ASCL5: variants seen among roughly 807,000 people sequenced by gnomAD.
ASCL5 encodes the protein achaete-scute homolog 5.
For synonymous variants in ASCL5, 124 were observed against 131.5 expected, an observed-to-expected ratio of 0.94 and a Z score of 0.39; for missense variants, 262 against 268.9, an observed-to-expected ratio of 0.97 and a Z score of 0.18.
chr1:201,119,430 C>T (rs753945895), intron 1 of ASCL5, among the ~76,000 whole-genome samples: 31 of 152,306 alleles, frequency 2.0e-4, no homozygotes, highest in Middle Eastern at 3.4e-3. Flanking sequence ...GGTGGTGAGA[C>T]GCAGTGGCGG....
chr1:201,115,128 G>A lies in ASCL5; in HGVS notation c.245C>T (p.Pro82Leu). ...AFGVYEYPFE[P>L]AFIQKRNERE... Reference sequence around the variant, plus strand: ...CTCGTTGCGCTTCTGGATGAAGGCTGGCTCGAAGGGGTATTCGTAGACCCC... The same window carrying A: ...CTCGTTGCGCTTCTGGATGAAGGCTAGCTCGAAGGGGTATTCGTAGACCCC... Residue 82 changes from proline (P) to leucine (L), a missense_variant, in exon 2 of 2, where the codon CCA becomes CTA. By Grantham distance (98) the Pro-to-Leu change is moderately conservative (BLOSUM62 -3). Coordinates refer to ENST00000449188, the MANE Select transcript of ASCL5 (RefSeq NM_001270601.2). 1 of 1,231,736 alleles carries A rather than the reference G, an allele frequency of 8.1e-7. No individual in the cohort carries two copies. The highest frequency in any genetic ancestry group is 1.0e-6 in the Non-Finnish European group (1 of 987,984). The allele number at this position is 1,231,736 out of a possible 1,614,324, so 76.3% of individuals were successfully genotyped here. A position where few individuals can be genotyped will look rare whatever the true frequency, so the allele number is the denominator to read the frequency against.
In ASCL5 at chr1:201,122,914, A is replaced by G. The variant is rs371898918; in HGVS notation, c.-506+4170T>C. Among the ~76,000 whole-genome samples, 73 of 152,294 alleles carry G rather than the reference A, an allele frequency of 4.8e-4. 1 individual carries two copies. The highest frequency in any genetic ancestry group is 1.7e-3 in the African/African-American group (71 of 41,548). ...CCTCATCTGAAAAGTGAAGGTAATA[A>G]TACCTACCTTAGAGGTTACTGTAAA... is the stretch of plus-strand genomic sequence containing the variant. On this transcript the variant is annotated intron_variant, in intron 1 of 1. Transcript: ENST00000449188.
At chr1:201,122,152 C>T (rs1663476539) in intron 1 of ASCL5, among the ~76,000 whole-genome samples, 1 of 152,200 alleles carries the variant, frequency 6.6e-6, no homozygotes, top group African/African-American at 2.4e-5. Context: ...CACTTGCCCC[C>T]TTAGCCTGCA....
At chr1:201,117,157 C>T (rs991264394) in intron 1 of ASCL5, among the ~76,000 whole-genome samples, 3 of 152,172 alleles carry the variant, frequency 2.0e-5, no homozygotes, top group African/African-American at 4.8e-5. Context: ...GAAACCAGGC[C>T]GGGCATGGTG....
chr1:201,125,259 A>G (rs1192892643), intron 1 of ASCL5, among the ~76,000 whole-genome samples: 1 of 152,180 alleles, frequency 6.6e-6, no homozygotes, highest in Non-Finnish European at 1.5e-5. Flanking sequence ...CTCAGTAATC[A>G]ACAGCTGTTC....
At chr1:201,119,387 G>A (rs1663407153) in intron 1 of ASCL5, among the ~76,000 whole-genome samples, 2 of 152,190 alleles carry the variant, frequency 1.3e-5, no homozygotes, top group Admixed American at 1.3e-4. Context: ...TCATGGGACT[G>A]GGCAGAACCA....
In ASCL5 at chr1:201,116,257, A is replaced by G. The variant is rs1484638767; in HGVS notation, c.-505-380T>C. 2.0e-5 allele frequency among the ~76,000 whole-genome samples: 3 copies of G among 152,214 alleles called. No individual in the cohort carries two copies. In the East Asian group the frequency reaches 5.8e-4, roughly 29 times the overall value. Reference sequence around the variant, plus strand: ...TCACTGATCCCTTCCGGGGTCTTACATCTAGAAGCGGGTCTGAGACTGCTT... The same window carrying G: ...TCACTGATCCCTTCCGGGGTCTTACGTCTAGAAGCGGGTCTGAGACTGCTT... On this transcript the variant is annotated intron_variant, in intron 1 of 1. Coordinates refer to ENST00000449188, the MANE Select transcript of ASCL5 (RefSeq NM_001270601.2).
At position 201,114,550 on chromosome 1, in the gene ASCL5, C is replaced by A; in HGVS notation, c.*202G>T. The A allele has an allele frequency of 4.9e-6, 2 of 409,378 alleles. No individual in the cohort carries two copies. Among genetic ancestry groups the A allele is most frequent in the Admixed American group, 4.6e-5 (1 of 21,956 alleles). The allele number at this position is 409,378 out of a possible 1,614,324, so 25.4% of individuals were successfully genotyped here. ...ACCCACGGAGCTCCTAGGTCTCTAT[C>A]GTGCCCATCGTACCCGCTGCCCTGC... On this transcript the variant is annotated 3_prime_UTR_variant, in exon 2 of 2. Transcript: ENST00000449188.
In ASCL5 at chr1:201,115,360, A is replaced by G. The variant is rs1247490672; in HGVS notation, c.13T>C (p.Phe5Leu). The G allele has an allele frequency of 2.4e-6, 3 of 1,231,326 alleles. No homozygotes were observed. The highest frequency in any genetic ancestry group is 3.1e-5 in the African/African-American group (2 of 64,388). 76.3% of individuals were successfully genotyped at this position (1,231,326 alleles called of 1,614,324 possible). The change falls in exon 2 of 2, where the codon TTC becomes CTC. Residue 5 changes from phenylalanine (F) to leucine (L), a missense_variant. By Grantham distance (22) the Phe-to-Leu change is conservative (BLOSUM62 0). Transcript: ENST00000449188. The part of the protein sequence containing the change: MNNN[F>L]CRALVDRRPL... Reference sequence around the variant, plus strand: ...CTCCGGTCCACCAGAGCCCGGCAGAAGTTATTGTTCATGGTGCCGCGTGGA... The same window carrying G: ...CTCCGGTCCACCAGAGCCCGGCAGAGGTTATTGTTCATGGTGCCGCGTGGA...
chr1:201,122,796 G>C (rs940385191), intron 1 of ASCL5, among the ~76,000 whole-genome samples: 1 of 152,120 alleles, frequency 6.6e-6, no homozygotes, highest in South Asian at 2.1e-4. Context: ...CCCTGAGCAC[G>C]GGCTTTAGAT....
Position 201,114,941 on chromosome 1 carries a change from G to A in ASCL5, c.432C>T (p.Asp144=), listed in dbSNP as rs1663305868. The A allele has an allele frequency of 1.6e-6, 2 of 1,231,042 alleles. No individual in the cohort carries two copies. Among genetic ancestry groups the A allele is most frequent in the South Asian group, 4.1e-5 (1 of 24,322 alleles). The allele number at this position is 1,231,042 out of a possible 1,614,324, so 76.3% of individuals were successfully genotyped here. The part of the protein sequence containing the change: ...YLQELLSSAP[D]GSTPPASRGL... ...CGCGGGAAGCGGGGGGCGTCGAGCC[G>A]TCGGGGGCCGAGCTCAGCAGCTCTT... Residue 144 remains aspartate, a synonymous_variant, in exon 2 of 2, where the codon GAC becomes GAT. Coordinates refer to ENST00000449188, the MANE Select transcript of ASCL5 (RefSeq NM_001270601.2).
Position 201,121,679 on chromosome 1 carries a change from C to T in ASCL5, c.-506+5405G>A, listed in dbSNP as rs542542356. ...ACCCTATCTCTACTAAAAATAAAAA[C>T]GGTTAACTGGATGTGGTGATGCATG... On this transcript the variant is annotated intron_variant, in intron 1 of 1. Transcript: ENST00000449188. 1.2e-4 allele frequency among the ~76,000 whole-genome samples: 19 copies of T among 152,082 alleles called. 1 individual carries two copies. The highest frequency in any genetic ancestry group is 6.8e-3 in the Middle Eastern group (2 of 294).
intron 1 of ASCL5, among the ~76,000 whole-genome samples, chr1:201,118,862 C>A (rs951703912): frequency 6.6e-6 from 1 of 152,168 alleles, no homozygotes; most frequent in East Asian, 1.9e-4. Context: ...TCTGGTTTTA[C>A]GGGTGAGAAA....
At position 201,120,547 on chromosome 1, in the gene ASCL5, A is replaced by G. The variant is rs183311559; in HGVS notation, c.-505-4670T>C. ...ACCCAGGCTGTAAACTGTGAGCCCA[A>G]GAACTCTGGTCTTATCCTTCTTTGA... On this transcript the variant is annotated intron_variant, in intron 1 of 1. Transcript: ENST00000449188. Among the ~76,000 whole-genome samples, 7 of 152,324 alleles carry G rather than the reference A, an allele frequency of 4.6e-5. No individual in the cohort carries two copies. In the East Asian group the frequency reaches 1.4e-3, roughly 29 times the overall value.
chr1:201,125,204 G>A (rs2102203090), intron 1 of ASCL5, among the ~76,000 whole-genome samples: 1 of 152,328 alleles, frequency 6.6e-6, no homozygotes, highest in Non-Finnish European at 1.5e-5. Context: ...AGTTCAAGGA[G>A]ATCGTGCATG....
Position 201,114,628 on chromosome 1 carries a change from C to T in ASCL5, c.*124G>A. ...GAGGGTGTCGCAGACACGGGAGCGC[C>T]GCGGACCTCCTACAGTCACCGTCCT... On this transcript the variant is annotated 3_prime_UTR_variant, in exon 2 of 2. Coordinates refer to ENST00000449188, the MANE Select transcript of ASCL5 (RefSeq NM_001270601.2). The T allele has an allele frequency of 3.4e-6, 3 of 895,364 alleles. No individual in the cohort carries two copies. Among genetic ancestry groups the T allele is most frequent in the Non-Finnish European group, 4.4e-6 (3 of 684,312 alleles). 55.5% of individuals were successfully genotyped at this position (895,364 alleles called of 1,614,324 possible).
At chr1:201,123,199 C>T (rs1663515933) in intron 1 of ASCL5, among the ~76,000 whole-genome samples, 1 of 152,100 alleles carries the variant, frequency 6.6e-6, no homozygotes, top group Admixed American at 6.5e-5. Context: ...CGATTTTTCC[C>T]CTCCAATCTT....
intron 1 of ASCL5, among the ~76,000 whole-genome samples, chr1:201,116,685 G>T (rs1663354829): frequency 6.6e-6 from 1 of 152,200 alleles, no homozygotes; most frequent in African/African-American, 2.4e-5. Flanking sequence ...GGTGTGTGTT[G>T]AGTTTAGGTG....
intron 1 of ASCL5, among the ~76,000 whole-genome samples, chr1:201,125,530 C>T (rs527578032): frequency 6.6e-6 from 1 of 152,146 alleles, no homozygotes; most frequent in Non-Finnish European, 1.5e-5. Context: ...AGCTTTACTA[C>T]CCTCTCCTGT....
Sources: allele counts gnomAD v4.1 joint callset (sites outside exome capture counted in the v4.1 genomes callset), GRCh38; gene constraint gnomAD v4.1.1; transcripts MANE v1.5; gene names NCBI Gene and HGNC (gene_info 2026-07-23, HGNC 2026-07-21).